WWOX: variants seen among roughly 807,000 people sequenced by gnomAD.
WWOX encodes WW domain-containing oxidoreductase.
WWOX carries 69 observed loss-of-function variants against 46.2 expected under a neutral mutation model. The observed-to-expected ratio is 1.49, with a 90% confidence interval of 1.23 to 1.82. WWOX has a LOEUF of 1.82. Ranked by LOEUF, WWOX falls within the 40% of genes most tolerant of loss-of-function variation. WWOX has a pLI of 0.00. For missense variants in WWOX, 919 were observed against 542.6 expected, an observed-to-expected ratio of 1.69 and a Z score of -6.89; for synonymous variants, 359 against 202.6, an observed-to-expected ratio of 1.77 and a Z score of -6.56.
At chr16:79,060,516 A>T (rs1452202767) in intron 8 of WWOX, among the ~76,000 whole-genome samples, 1 of 152,244 alleles carries the variant, frequency 6.6e-6, no homozygotes. Context: ...GCATCTTATT[A>T]TATTAGACCA....
chr16:78,628,465 G>T (rs1226649161), intron 8 of WWOX, among the ~76,000 whole-genome samples: 1 of 152,160 alleles, frequency 6.6e-6, no homozygotes, highest in South Asian at 2.1e-4. Flanking sequence ...AAGGGGACCT[G>T]ATATATACAT....
chr16:78,470,273 C>T (rs1371051703), intron 8 of WWOX, among the ~76,000 whole-genome samples: 1 of 152,182 alleles, frequency 6.6e-6, no homozygotes, highest in Non-Finnish European at 1.5e-5. Context: ...TCTTTGAACT[C>T]CAGGAGGCTA....
At chr16:79,162,482 T>C (rs577107223) in intron 8 of WWOX, among the ~76,000 whole-genome samples, 2 of 152,082 alleles carry the variant, frequency 1.3e-5, no homozygotes, top group Non-Finnish European at 2.9e-5. Context: ...CCACTGGTGT[T>C]CCTCTAGTAG....
intron 8 of WWOX, among the ~76,000 whole-genome samples, chr16:78,752,996 T>G (rs548190764): frequency 9.2e-5 from 14 of 152,074 alleles, no homozygotes; most frequent in Non-Finnish European, 1.8e-4. Context: ...GAGGCAGTGA[T>G]TTCAGTAATC....
chr16:78,374,158 T>C (rs754906277), intron 5 of WWOX, among the ~76,000 whole-genome samples: 3 of 152,248 alleles, frequency 2.0e-5, no homozygotes, highest in Non-Finnish European at 4.4e-5. Context: ...TTTCTCCCTG[T>C]TGCTCATTTG....
At chr16:78,818,746 G>A (rs898751431) in intron 8 of WWOX, among the ~76,000 whole-genome samples, 6 of 152,206 alleles carry the variant, frequency 3.9e-5, no homozygotes, top group African/African-American at 1.2e-4. Flanking sequence ...TAGCTTGCCA[G>A]TCAAGTCATT....
chr16:78,716,513 G>A (rs1392020853), intron 8 of WWOX, among the ~76,000 whole-genome samples: 2 of 152,092 alleles, frequency 1.3e-5, no homozygotes, highest in African/African-American at 4.8e-5. Context: ...GCTTATTTTA[G>A]GGGATGCCCT....
intron 8 of WWOX, among the ~76,000 whole-genome samples, chr16:78,741,553 GTC>G (rs1238412744): frequency 6.6e-6 from 1 of 151,590 alleles, no homozygotes; most frequent in Non-Finnish European, 1.5e-5. Context: ...GTGAGACTGT[GTC>G]TCAAAAACAA....
chr16:78,151,225 C>G (rs1161285386), intron 4 of WWOX, among the ~76,000 whole-genome samples: 1 of 151,960 alleles, frequency 6.6e-6, no homozygotes, highest in Non-Finnish European at 1.5e-5. Flanking sequence ...GATGAAGACC[C>G]AGTATGTATT....
chr16:78,517,741 T>C (rs2043267104), intron 8 of WWOX, among the ~76,000 whole-genome samples: 2 of 151,966 alleles, frequency 1.3e-5, no homozygotes, highest in Admixed American at 1.3e-4. Flanking sequence ...TAAACACATG[T>C]CACGTTATGG....
At chr16:78,216,816 C>T (rs1191160295) in intron 5 of WWOX, among the ~76,000 whole-genome samples, 1 of 152,132 alleles carries the variant, frequency 6.6e-6, no homozygotes, top group African/African-American at 2.4e-5. Flanking sequence ...ACTGCAACTT[C>T]CGCCTCCAGG....
At chr16:78,328,370 T>G (rs1040205365) in intron 5 of WWOX, among the ~76,000 whole-genome samples, 1 of 152,206 alleles carries the variant, frequency 6.6e-6, no homozygotes, top group Non-Finnish European at 1.5e-5. Context: ...ATGATTGATG[T>G]AAGTCGTAAA....
chr16:78,718,809 T>A (rs1387407619), intron 8 of WWOX, among the ~76,000 whole-genome samples: 1 of 152,202 alleles, frequency 6.6e-6, no homozygotes, highest in Non-Finnish European at 1.5e-5. Context: ...ATGCCAGGAA[T>A]TATTCTATTG....
At chr16:78,961,412 C>G (rs1043570198) in intron 8 of WWOX, among the ~76,000 whole-genome samples, 1 of 152,052 alleles carries the variant, frequency 6.6e-6, no homozygotes, top group African/African-American at 2.4e-5. Flanking sequence ...AGATAACACT[C>G]AGCAGATATA....
intron 8 of WWOX, among the ~76,000 whole-genome samples, chr16:78,742,664 T>A (rs1248711862): frequency 6.6e-6 from 1 of 152,168 alleles, no homozygotes; most frequent in South Asian, 2.1e-4. Context: ...TAAAACTGTT[T>A]ATGTCTGCGG....
intron 8 of WWOX, among the ~76,000 whole-genome samples, chr16:78,683,543 AAAAAATAAT>A (rs1291426234): frequency 8.3e-6 from 1 of 120,436 alleles, no homozygotes; most frequent in Non-Finnish European, 1.8e-5. Flanking sequence ...CTATCTCAAA[AAAAAATAAT>A]AAAAATAATA....
At chr16:78,378,989 G>C (rs2081893054) in intron 5 of WWOX, among the ~76,000 whole-genome samples, 2 of 152,194 alleles carry the variant, frequency 1.3e-5, no homozygotes, top group Non-Finnish European at 2.9e-5. Context: ...GACGACATGA[G>C]CATTGGAACC....
At chr16:78,626,834 A>G (rs2046322142) in intron 8 of WWOX, among the ~76,000 whole-genome samples, 1 of 152,144 alleles carries the variant, frequency 6.6e-6, no homozygotes, top group African/African-American at 2.4e-5. Flanking sequence ...ACTCATGGAC[A>G]TTTATTTTAT....
At chr16:78,846,775 C>T (rs1567600778) in intron 8 of WWOX, among the ~76,000 whole-genome samples, 1 of 152,082 alleles carries the variant, frequency 6.6e-6, no homozygotes, top group Non-Finnish European at 1.5e-5. Flanking sequence ...ATTTTAGCAT[C>T]CCTCTGGGGA....
Sources: gnomAD v4.1 joint callset for allele counts (sites outside exome capture counted in the v4.1 genomes callset) on GRCh38, gnomAD v4.1.1 for gene constraint, MANE v1.5 for transcripts, NCBI Gene and HGNC (gene_info 2026-07-23, HGNC 2026-07-21) for gene names.